Variants in CBLB observed in about 807,000 individuals in gnomAD.
CBLB encodes the protein E3 ubiquitin-protein ligase CBL-B.
Under a neutral mutation model 104.9 loss-of-function variants are expected in CBLB, and 31 were observed. That is an observed-to-expected ratio of 0.30 (90% CI 0.22 to 0.40). The LOEUF (loss-of-function observed/expected upper bound fraction) is 0.40, where lower values mean the gene tolerates loss of function less well. CBLB is among the 10% of genes least tolerant of loss of function. The probability of loss-of-function intolerance (pLI) is 1.00; values close to 1 mark genes in which losing one functional copy is unlikely to be tolerated. For synonymous variants in CBLB, 440 were observed against 422.6 expected (o/e 1.04, Z -0.51); for missense variants, 1,062 against 1,214.6 (o/e 0.87, Z 1.87).
chr3:105,677,895 G>GTAGA (rs1309338014), intron 17 of CBLB, among the ~76,000 whole-genome samples: 1 of 151,370 alleles, frequency 6.6e-6, no homozygotes, highest in East Asian at 1.9e-4. Flanking sequence ...TAATTAGTGA[G>GTAGA]TAGATACACA....
chr3:105,681,998 G>C, intron 14 of CBLB, 180 bp from the exon 15 acceptor site: 1 of 590,336 alleles, frequency 1.7e-6, no homozygotes, highest in Non-Finnish European at 3.0e-6. Context: ...AAATGTAGAA[G>C]TAAATATCTC....
At chr3:105,719,955 CAA>C (rs2072521945) in intron 10 of CBLB, 90 bp downstream of exon 10, 20 of 994,468 alleles carry the variant, frequency 2.0e-5, no homozygotes, top group Non-Finnish European at 2.8e-5. Flanking sequence ...TTTCTAAACT[CAA>C]ATACGCTGAG....
chr3:105,725,064 GATCA>G lies in CBLB; in HGVS notation c.1204-4818_1204-4815del, dbSNP rs1576630574. 2.6e-5 allele frequency among the ~76,000 whole-genome samples: 4 copies of G among 152,052 alleles called. No individual in the cohort carries two copies. The South Asian group carries it at 8.3e-4, about 31-fold the overall frequency. Reference sequence around the variant, plus strand: ...TGAAAAATAGCCGGTTGCTACTACTGATCATTCATAAATGTAAAAAATTTAAAAC... The same window carrying G: ...TGAAAAATAGCCGGTTGCTACTACTGTTCATAAATGTAAAAAATTTAAAAC... On this transcript the variant is annotated intron_variant, in intron 9 of 18. Coordinates refer to ENST00000394030, the MANE Select transcript of CBLB (RefSeq NM_170662.5).
rs1205032075 is a variant in CBLB at position 105,780,672 on chromosome 3, T to TTTTG, written c.420-4131_420-4130insCAAA. Among the ~76,000 whole-genome samples the TTTTG allele has an allele frequency of 3.2e-4, 44 of 139,014 alleles. 1 individual carries two copies. In the South Asian group the frequency reaches 9.5e-3, roughly 30 times the overall value. The allele number at this position is 139,014 out of a possible 152,430, so 91.2% of individuals were successfully genotyped here. On this transcript the variant is annotated intron_variant, in intron 3 of 18. Coordinates refer to ENST00000394030, the MANE Select transcript of CBLB (RefSeq NM_170662.5). ...AGTTTTGTTTTTTGTTTTTTTTTTT[T>TTTTG]TTTTTTTTGAGATGGAGTCTCGCTC...
At chr3:105,805,421 C>T (rs1336886285) in intron 3 of CBLB, among the ~76,000 whole-genome samples, 2 of 152,114 alleles carry the variant, frequency 1.3e-5, no homozygotes, top group Non-Finnish European at 2.9e-5. Context: ...TCCTGTGCCT[C>T]AGCTTCCCAA....
chr3:105,685,321 G>C lies in CBLB; in HGVS notation c.2200C>G (p.Arg734Gly), dbSNP rs748390313. 2 of 1,613,516 alleles carry C rather than the reference G, an allele frequency of 1.2e-6. No homozygotes were observed. Among genetic ancestry groups the C allele is most frequent in the Non-Finnish European group, 1.7e-6 (2 of 1,179,594 alleles). Residue 734 changes from arginine (R) to glycine (G), a missense_variant and splice_region_variant, in exon 14 of 19, where the codon CGG becomes GGG. Physicochemically the swap from Arg to Gly is moderately radical, Grantham distance 125. Transcript: ENST00000394030. ...GCAAAAATCTGCCCATACTCTTACC[G>C]AACAGGAGGTTTTACATTATGACAA... ...SHCHNVKPPV[R>G]SCDNGHCMLN... is the part of the protein sequence containing the mutation.
intron 3 of CBLB, among the ~76,000 whole-genome samples, chr3:105,846,405 CCTT>C (rs1280478035): frequency 5.9e-5 from 9 of 151,862 alleles, no homozygotes; most frequent in Admixed American, 2.0e-4. Context: ...AAAAGACAAA[CCTT>C]CTTAAGATTC....
At chr3:105,712,588 TC>T (rs2071271409) in intron 10 of CBLB, among the ~76,000 whole-genome samples, 1 of 152,196 alleles carries the variant, frequency 6.6e-6, no homozygotes, top group Non-Finnish European at 1.5e-5. Context: ...CTGTAGTTCT[TC>T]ACCCTACTTT....
In CBLB at chr3:105,706,971, C is replaced by T. The variant is rs140364748; in HGVS notation, c.1408-2798G>A. 2.4e-4 allele frequency among the ~76,000 whole-genome samples: 37 copies of T among 152,304 alleles called. No individual in the cohort carries two copies. The East Asian group carries it at 6.7e-3, about 28-fold the overall frequency. On this transcript the variant is annotated intron_variant, in intron 10 of 18. Coordinates refer to ENST00000394030, the MANE Select transcript of CBLB (RefSeq NM_170662.5). ...AGACACAGAATTGTGATAGAGCTAA[C>T]AGCCCATTATCAGTATTAGGACTTG...
intron 4 of CBLB, among the ~76,000 whole-genome samples, chr3:105,761,478 T>C (rs1435967237): frequency 1.3e-5 from 2 of 152,230 alleles, no homozygotes; most frequent in Admixed American, 1.3e-4. Flanking sequence ...CGACATTCTA[T>C]TCTTGTGGTA....
At chr3:105,837,791 A>G (rs2088796375) in intron 3 of CBLB, among the ~76,000 whole-genome samples, 1 of 152,210 alleles carries the variant, frequency 6.6e-6, no homozygotes, top group African/African-American at 2.4e-5. Context: ...TAAAATCGCC[A>G]GTACTCATTC....
At chr3:105,758,021 A>G (rs1314894922) in intron 4 of CBLB, among the ~76,000 whole-genome samples, 1 of 152,210 alleles carries the variant, frequency 6.6e-6, no homozygotes, top group East Asian at 1.9e-4. Context: ...TGATTACATT[A>G]TGGACACAAA....
chr3:105,824,677 T>C (rs1232774325), intron 3 of CBLB, among the ~76,000 whole-genome samples: 2 of 152,114 alleles, frequency 1.3e-5, no homozygotes, highest in Non-Finnish European at 2.9e-5. Flanking sequence ...ACGATTTTTA[T>C]GCCAACTGTG....
chr3:105,841,969 T>C (rs1301877138), intron 3 of CBLB, among the ~76,000 whole-genome samples: 2 of 152,014 alleles, frequency 1.3e-5, no homozygotes, highest in African/African-American at 2.4e-5. Flanking sequence ...TCAGGAACAT[T>C]TGTGTATCAA....
intron 4 of CBLB, among the ~76,000 whole-genome samples, chr3:105,757,963 G>T (rs1441810535): frequency 6.6e-6 from 1 of 152,128 alleles, no homozygotes; most frequent in Non-Finnish European, 1.5e-5. Flanking sequence ...CAGAGGGCAA[G>T]CTTTGTTCAG....
intron 4 of CBLB, among the ~76,000 whole-genome samples, chr3:105,754,529 G>GAGAGAGAGAGAGAGAGAGAGAC (rs2076895033): frequency 1.2e-5 from 1 of 84,654 alleles, no homozygotes; most frequent in African/African-American, 4.5e-5. Context: ...GAGACAGAGA[G>GAGAGAGAGAGAGAGAGAGAGAC]AGAGAGAGAG....
intron 8 of CBLB, among the ~76,000 whole-genome samples, chr3:105,736,338 CAATT>C (rs1284166231): frequency 4.6e-5 from 7 of 152,004 alleles, no homozygotes; most frequent in South Asian, 2.1e-4. Context: ...TCATATACAG[CAATT>C]AATTAATTAT....
chr3:105,820,302 G>A lies in CBLB; in HGVS notation c.419+33112C>T, dbSNP rs186282111. ...AATACAGATGAAGCTGCCTTCATTC[G>A]CCCACCACTTGCTTCATGCTGTACG... On this transcript the variant is annotated intron_variant, in intron 3 of 18. Transcript: ENST00000394030. Among the ~76,000 whole-genome samples, 819 of 152,264 alleles carry A rather than the reference G, an allele frequency of 5.4e-3. 11 individuals are homozygous for A. Among genetic ancestry groups the A allele is most frequent in the African/African-American group, 0.019 (776 of 41,542 alleles).
intron 3 of CBLB, among the ~76,000 whole-genome samples, chr3:105,805,581 C>T (rs1287533936): frequency 1.3e-5 from 2 of 152,198 alleles, no homozygotes; most frequent in Non-Finnish European, 2.9e-5. Flanking sequence ...GCTGGGATTA[C>T]AGGCATGAGC....
Sources: gnomAD v4.1 joint callset for allele counts (sites outside exome capture counted in the v4.1 genomes callset) on GRCh38, gnomAD v4.1.1 for gene constraint, MANE v1.5 for transcripts, NCBI Gene and HGNC (gene_info 2026-07-23, HGNC 2026-07-21) for gene names.